Variants in SLC24A4 observed in about 807,000 individuals in gnomAD.
SLC24A4 encodes the protein sodium/potassium/calcium exchanger 4.
A neutral mutation model predicts 79.0 loss-of-function variants in SLC24A4; 53 were observed. The observed-to-expected ratio is 0.67, with a 90% CI of 0.54 to 0.84. The LOEUF (loss-of-function observed/expected upper bound fraction) is 0.84, where lower values mean the gene tolerates loss of function less well. SLC24A4 is among the 40% of genes least tolerant of loss of function. The pLI, the probability that SLC24A4 is intolerant of heterozygous loss-of-function variation, is 0.00. For synonymous variants in SLC24A4, 323 were observed against 323.8 expected (o/e 1.00, Z 0.03); for missense variants, 731 against 822.0 (o/e 0.89, Z 1.35).
intron 11 of SLC24A4, among the ~76,000 whole-genome samples, chr14:92,454,732 A>G (rs1444565212): frequency 6.6e-6 from 1 of 152,264 alleles, no homozygotes. Context: ...GATATTTCAC[A>G]GTGCCTACGG....
At position 92,456,615 on chromosome 14, in the gene SLC24A4, TC is replaced by T. The variant is rs1201916591; in HGVS notation, c.1255+8del. 1 of 1,612,378 alleles carries T rather than the reference TC, an allele frequency of 6.2e-7. No individual in the cohort carries two copies. The highest frequency in any genetic ancestry group is 8.5e-7 in the Non-Finnish European group (1 of 1,179,592). ...TCCCCCTTCTCCGTGCCGGGTGAGTTCTGGGGGTACTGGACTCTCGGGCTAC... is the reference window on the plus strand; with the variant it reads ...TCCCCCTTCTCCGTGCCGGGTGAGTTTGGGGGTACTGGACTCTCGGGCTAC... On this transcript the variant is annotated splice_region_variant and intron_variant, in intron 12 of 16. Coordinates refer to ENST00000532405, the MANE Select transcript of SLC24A4 (RefSeq NM_153646.4).
intron 2 of SLC24A4, among the ~76,000 whole-genome samples, chr14:92,381,055 A>T (rs746613452): frequency 6.6e-6 from 1 of 152,172 alleles, no homozygotes; most frequent in African/African-American, 2.4e-5. Flanking sequence ...CAGAAATACC[A>T]TCTGACCCAG....
At chr14:92,478,385 G>A (rs1258088899) in intron 12 of SLC24A4, among the ~76,000 whole-genome samples, 1 of 152,068 alleles carries the variant, frequency 6.6e-6, no homozygotes, top group Admixed American at 6.5e-5. Context: ...TGCACCATTT[G>A]TTGAAAAGAT....
chr14:92,431,729 G>A (rs1891881576), intron 2 of SLC24A4, among the ~76,000 whole-genome samples: 1 of 152,206 alleles, frequency 6.6e-6, no homozygotes, highest in Admixed American at 6.5e-5. Flanking sequence ...GGGGTGCAAA[G>A]CAAGGCGTGA....
intron 14 of SLC24A4, among the ~76,000 whole-genome samples, chr14:92,489,623 C>T (rs1174871179): frequency 3.9e-5 from 6 of 152,144 alleles, no homozygotes; most frequent in African/African-American, 9.7e-5. Context: ...ATGAGAAATG[C>T]AGACTCCCAA....
intron 16 of SLC24A4, among the ~76,000 whole-genome samples, chr14:92,493,172 C>T (rs1042808903): frequency 6.6e-6 from 1 of 152,140 alleles, no homozygotes; most frequent in Non-Finnish European, 1.5e-5. Context: ...AGGAGGACCA[C>T]ATGCCTACGA....
At position 92,466,850 on chromosome 14, in the gene SLC24A4, A is replaced by G. The variant is rs565421769; in HGVS notation, c.1255+10242A>G. ...GACCTGGTACTATCTCCCATTGTCT[A>G]TGATGCTTCAGTCAGTCACTGAATT... is the stretch of plus-strand genomic sequence containing the variant. On this transcript the variant is annotated intron_variant, in intron 12 of 16. Coordinates refer to ENST00000532405, the MANE Select transcript of SLC24A4 (RefSeq NM_153646.4). 5.9e-5 allele frequency among the ~76,000 whole-genome samples: 9 copies of G among 152,328 alleles called. No homozygotes were observed. The South Asian group carries it at 1.0e-3, about 18-fold the overall frequency.
chr14:92,445,259 TC>T, intron 7 of SLC24A4, 57 bp from the exon 8 acceptor site: 1 of 1,605,816 alleles, frequency 6.2e-7, no homozygotes, highest in Non-Finnish European at 8.5e-7. Flanking sequence ...CCGTGCTTGT[TC>T]TTGTTTGGAA....
At chr14:92,342,275 T>C (rs1042528500) in intron 2 of SLC24A4, among the ~76,000 whole-genome samples, 7 of 147,182 alleles carry the variant, frequency 4.8e-5, no homozygotes, top group African/African-American at 1.8e-4. Flanking sequence ...GGGGACCTAG[T>C]TAAAATGCAG....
intron 3 of SLC24A4, 110 bp from the exon 4 acceptor site, chr14:92,439,225 C>T (rs931703210): frequency 3.1e-5 from 26 of 843,368 alleles, no homozygotes; most frequent in African/African-American, 2.7e-4. Flanking sequence ...GTGTGCCCCG[C>T]TCTGTCCGCC....
chr14:92,444,421 T>A (rs991054406), intron 7 of SLC24A4, among the ~76,000 whole-genome samples: 3 of 152,194 alleles, frequency 2.0e-5, no homozygotes, highest in African/African-American at 7.2e-5. Context: ...ATGTTGATGA[T>A]GTGATTTTCC....
chr14:92,433,990 T>A lies in SLC24A4; in HGVS notation c.318+2T>A. 1.2e-6 allele frequency: 2 copies of A among 1,613,718 alleles called. No individual in the cohort carries two copies. Among genetic ancestry groups the A allele is most frequent in the Non-Finnish European group, 1.7e-6 (2 of 1,179,560 alleles). ...GCCGTCCTGCTGCACATCCTTGGTG[T>A]AAGTCGTCCTCCCAGAGTGGTCACA... On this transcript the variant is annotated splice_donor_variant, in intron 3 of 16. Coordinates refer to ENST00000532405, the MANE Select transcript of SLC24A4 (RefSeq NM_153646.4). LOFTEE classifies it high-confidence loss of function.
intron 2 of SLC24A4, among the ~76,000 whole-genome samples, chr14:92,421,346 C>T (rs1011159758): frequency 6.6e-6 from 1 of 152,038 alleles, no homozygotes; most frequent in African/African-American, 2.4e-5. Context: ...TTTTCATCAC[C>T]CTAGAAAGTT....
rs149547979 is a variant in SLC24A4, at chr14:92,386,734, C to T, written c.242-47178C>T. Reference sequence around the variant, plus strand: ...GGTTTGTTTGACGTTTCTGCTAATCCGTGTTTAATGTGTAAGCAGATTATC... The same window carrying T: ...GGTTTGTTTGACGTTTCTGCTAATCTGTGTTTAATGTGTAAGCAGATTATC... On this transcript the variant is annotated intron_variant, in intron 2 of 16. Coordinates refer to ENST00000532405, the MANE Select transcript of SLC24A4 (RefSeq NM_153646.4). Among the ~76,000 whole-genome samples the T allele has an allele frequency of 2.2e-4, 33 of 152,272 alleles. No homozygotes were observed. The East Asian group carries it at 3.5e-3, about 16-fold the overall frequency.
intron 9 of SLC24A4, among the ~76,000 whole-genome samples, chr14:92,447,796 CTT>C (rs1369661439): frequency 6.6e-6 from 1 of 152,208 alleles, no homozygotes; most frequent in African/African-American, 2.4e-5. Flanking sequence ...TAATACCACT[CTT>C]TTCAAAAAGC....
At chr14:92,380,532 A>G (rs1888783836) in intron 2 of SLC24A4, among the ~76,000 whole-genome samples, 1 of 152,206 alleles carries the variant, frequency 6.6e-6, no homozygotes, top group African/African-American at 2.4e-5. Context: ...TAAATGGGAC[A>G]TCTCTCAATG....
intron 6 of SLC24A4, among the ~76,000 whole-genome samples, chr14:92,443,090 G>A (rs1892596979): frequency 2.0e-5 from 3 of 152,228 alleles, no homozygotes; most frequent in Admixed American, 1.3e-4. Flanking sequence ...CTTGCAGAGG[G>A]AGATGGAAGT....
chr14:92,380,384 G>A (rs930634272), intron 2 of SLC24A4, among the ~76,000 whole-genome samples: 2 of 152,292 alleles, frequency 1.3e-5, no homozygotes, highest in East Asian at 1.9e-4. Flanking sequence ...GCACGTGGCC[G>A]CATTCCTGGC....
At chr14:92,484,845 T>A in intron 13 of SLC24A4, 4 of 985,454 alleles carry the variant, frequency 4.1e-6, no homozygotes, top group Non-Finnish European at 4.8e-6. Flanking sequence ...TAAGGGTGAT[T>A]ACCTGGTAAC....
Sources: allele counts gnomAD v4.1 joint callset (sites outside exome capture counted in the v4.1 genomes callset), GRCh38; gene constraint gnomAD v4.1.1; transcripts MANE v1.5; gene names NCBI Gene and HGNC (gene_info 2026-07-23, HGNC 2026-07-21).